The following SRFBP1 variants were observed in gnomAD, a reference collection of about 807,000 sequenced individuals.
SRFBP1 encodes the protein serum response factor-binding protein 1.
SRFBP1 carries 47 observed loss-of-function variants against 45.5 expected under a neutral mutation model. The ratio of observed to expected loss-of-function variants is 1.03; its 90% CI spans 0.82 to 1.32. The LOEUF is 1.32. SRFBP1 is among the 40% of genes most tolerant of loss of function. SRFBP1 has a pLI of 0.00. For synonymous variants in SRFBP1, 203 were observed against 166.3 expected, an observed-to-expected ratio of 1.22 and a Z score of -1.70; for missense variants, 621 against 484.6, an observed-to-expected ratio of 1.28 and a Z score of -2.64.
chr5:122,034,780 A>G (rs1292394722), intron 2 of SRFBP1, among the ~76,000 whole-genome samples: 1 of 152,050 alleles, frequency 6.6e-6, no homozygotes, highest in African/African-American at 2.4e-5. Context: ...TCTTAAAAAA[A>G]AAAAGACTCA....
rs6874982 is a variant in SRFBP1 at position 121,975,695 on chromosome 5, G to A, written c.198+308G>A. Reference sequence around the variant, plus strand: ...TTTATTTTTACTGTAACTTTAGCACGAAGTCAGTTCAAGAATTAAAGTCTT... The same window carrying A: ...TTTATTTTTACTGTAACTTTAGCACAAAGTCAGTTCAAGAATTAAAGTCTT... On this transcript the variant is annotated intron_variant, in intron 3 of 7. Coordinates refer to ENST00000339397, the MANE Select transcript of SRFBP1 (RefSeq NM_152546.3). Among the ~76,000 whole-genome samples the A allele has an allele frequency of 7.7e-3, 1,166 of 152,022 alleles. 21 individuals are homozygous for A. Among genetic ancestry groups the A allele is most frequent in the African/African-American group, 0.027 (1,119 of 41,492 alleles).
intron 1 of SRFBP1, among the ~76,000 whole-genome samples, chr5:121,971,035 A>C (rs1328408563): frequency 6.6e-6 from 1 of 152,118 alleles, no homozygotes; most frequent in African/African-American, 2.4e-5. Context: ...CATTCTGACC[A>C]GTGGAAATGG....
chr5:122,077,189 C>T, downstream of SRFBP1: 1 of 1,468,462 alleles, frequency 6.8e-7, no homozygotes, highest in Non-Finnish European at 9.0e-7. The surrounding 1 kb of genome is among the most constrained non-coding windows in gnomAD (Gnocchi z 4.9). Flanking sequence ...CAGGAGGGGC[C>T]AGACGCGCGG....
At position 121,966,119 on chromosome 5, in the gene SRFBP1, A is replaced by T. The variant is rs185601283; in HGVS notation, c.36+4051A>T. On this transcript the variant is annotated intron_variant, in intron 1 of 7. Coordinates refer to ENST00000339397, the MANE Select transcript of SRFBP1 (RefSeq NM_152546.3). ...AATGGGGTTTTCTAGATATACAGTCATGTCTTCTGCAAATAGAGACAGTTT... is the reference window on the plus strand; with the variant it reads ...AATGGGGTTTTCTAGATATACAGTCTTGTCTTCTGCAAATAGAGACAGTTT... Among the ~76,000 whole-genome samples the T allele has an allele frequency of 4.3e-3, 648 of 152,298 alleles. 9 individuals carry two copies. Among genetic ancestry groups the T allele is most frequent in the African/African-American group, 0.015 (622 of 41,572 alleles).
At chr5:122,076,999 G>A (rs758722282), downstream of SRFBP1, 1 of 1,613,126 alleles carries the variant, frequency 6.2e-7, no homozygotes, top group East Asian at 2.2e-5. Context: ...AGGTCTGGGA[G>A]ACCTAAACGT....
intron 1 of SRFBP1, among the ~76,000 whole-genome samples, chr5:121,968,037 T>G (rs1055524201): frequency 3.9e-5 from 6 of 152,142 alleles, no homozygotes. Context: ...GTTTTTCTCT[T>G]ATATATTTTT....
intron 3 of SRFBP1, among the ~76,000 whole-genome samples, chr5:121,985,501 A>G (rs1752494357): frequency 6.6e-6 from 1 of 151,784 alleles, no homozygotes; most frequent in South Asian, 2.1e-4. Context: ...GTGTTTTTTT[A>G]ATCTAGGTAA....
intron 4 of SRFBP1, among the ~76,000 whole-genome samples, chr5:122,006,868 A>G (rs1286706657): frequency 6.6e-6 from 1 of 152,012 alleles, no homozygotes; most frequent in East Asian, 1.9e-4. Flanking sequence ...TTATTTGAAT[A>G]TTTGAATTCT....
intron 2 of SRFBP1, among the ~76,000 whole-genome samples, chr5:122,047,896 G>T (rs1369171783): frequency 6.6e-6 from 1 of 152,208 alleles, no homozygotes; most frequent in Non-Finnish European, 1.5e-5. Context: ...CATCGATTGT[G>T]TATCCTGAGA....
chr5:122,018,989 C>G (rs545406825), intron 4 of SRFBP1, among the ~76,000 whole-genome samples: 2 of 152,140 alleles, frequency 1.3e-5, no homozygotes, highest in South Asian at 4.2e-4. Context: ...GTGCTTATCA[C>G]AATTCTGAGA....
At chr5:122,052,910 A>T (rs770635240) in intron 2 of SRFBP1, among the ~76,000 whole-genome samples, 2 of 150,322 alleles carry the variant, frequency 1.3e-5, no homozygotes, top group African/African-American at 2.5e-5. Flanking sequence ...CTTTCGATGG[A>T]TTTTTTTGCT....
At chr5:122,066,628 T>G (rs890537188) in intron 2 of SRFBP1, 6 of 852,470 alleles carry the variant, frequency 7.0e-6, no homozygotes, top group Non-Finnish European at 1.1e-5. Flanking sequence ...AAAAATTCTT[T>G]TGTTGTTTTC....
At position 122,020,739 on chromosome 5, in the gene SRFBP1, C is replaced by T. The variant is rs1753298612; in HGVS notation, c.1004C>T (p.Thr335Ile). The change falls in exon 6 of 8, where the codon ACA becomes ATA. Residue 335 changes from threonine to isoleucine, a missense_variant. Transcript: ENST00000339397. Reference sequence around the variant, plus strand: ...AGAAATGACAAAATCAAGCCAAGTACAGAAACCAGAAAGTTAGAATCAGTG... The same window carrying T: ...AGAAATGACAAAATCAAGCCAAGTATAGAAACCAGAAAGTTAGAATCAGTG... ...DTRNDKIKPS[T>I]ETRKLESVFF... 2 of 1,606,194 alleles carry T rather than the reference C, an allele frequency of 1.2e-6. No homozygotes were observed. Among genetic ancestry groups the T allele is most frequent in the Non-Finnish European group, 8.5e-7 (1 of 1,177,972 alleles).
chr5:122,076,866 C>A (rs1216851988), downstream of SRFBP1: 1 of 1,603,746 alleles, frequency 6.2e-7, no homozygotes, highest in East Asian at 2.2e-5. Context: ...GACCGGGGAG[C>A]GGGGCCTCAG....
chr5:121,995,440 G>C lies in SRFBP1; in HGVS notation c.270+770G>C, dbSNP rs916900348. Among the ~76,000 whole-genome samples, 3 of 152,116 alleles carry C rather than the reference G, an allele frequency of 2.0e-5. No individual in the cohort carries two copies. In the East Asian group the frequency reaches 5.8e-4, roughly 29 times the overall value. ...CTGGGTACACAACGAAATGAAGGCA[G>C]AAATAAAGATGTTCTTTGAAACCAA... On this transcript the variant is annotated intron_variant, in intron 4 of 7. Coordinates refer to ENST00000339397, the MANE Select transcript of SRFBP1 (RefSeq NM_152546.3).
chr5:122,051,879 G>A (rs1423487254), intron 2 of SRFBP1, among the ~76,000 whole-genome samples: 1 of 152,114 alleles, frequency 6.6e-6, no homozygotes, highest in Non-Finnish European at 1.5e-5. Flanking sequence ...TGATTTTGTA[G>A]TAGCTGGTAA....
At chr5:122,073,905 G>C (rs543748222) in intron 2 of SRFBP1, 2 of 1,020,716 alleles carry the variant, frequency 2.0e-6, no homozygotes, top group Non-Finnish European at 3.0e-6. Flanking sequence ...GTATCCTTTT[G>C]ATAAAAATGT....
At chr5:121,967,659 C>T (rs1490910061) in intron 1 of SRFBP1, among the ~76,000 whole-genome samples, 1 of 152,042 alleles carries the variant, frequency 6.6e-6, no homozygotes, top group Non-Finnish European at 1.5e-5. Flanking sequence ...ATGGTGAAAC[C>T]CCGTCTCTAC....
At chr5:121,982,299 A>G (rs1752426167) in intron 3 of SRFBP1, among the ~76,000 whole-genome samples, 2 of 151,954 alleles carry the variant, frequency 1.3e-5, no homozygotes, top group South Asian at 4.1e-4. Context: ...GCTATTTTAA[A>G]AGATCAGTAT....
Sources: gnomAD v4.1 joint callset for allele counts (sites outside exome capture counted in the v4.1 genomes callset) on GRCh38, gnomAD v4.1.1 for gene constraint, Gnocchi (gnomAD v3.1) non-coding constraint, MANE v1.5 for transcripts, NCBI Gene and HGNC (gene_info 2026-07-23, HGNC 2026-07-21) for gene names.